Variants in ABCB4 observed in about 807,000 individuals in gnomAD.
ABCB4 encodes phosphatidylcholine translocator ABCB4.
ABCB4 carries 76 observed loss-of-function variants against 145.7 expected under a neutral mutation model. The observed-to-expected ratio is 0.52, with a 90% CI of 0.43 to 0.63. ABCB4 has a LOEUF of 0.63. Ranked by LOEUF, ABCB4 falls within the 30% of genes least tolerant of loss-of-function variation. ABCB4 has a pLI of 0.00. For synonymous variants in ABCB4, 517 were observed against 566.8 expected (o/e 0.91, Z 1.25); for missense variants, 1,234 against 1,553.1 (o/e 0.79, Z 3.45).
At position 87,417,501 on chromosome 7, in the gene ABCB4, C is replaced by T. The variant is rs199640424; in HGVS notation, c.2493G>A (p.Arg831=). Residue 831 remains arginine, a synonymous_variant, in exon 21 of 28, where the codon AGG becomes AGA. Coordinates refer to ENST00000649586, the MANE Select transcript of ABCB4 (RefSeq NM_000443.4). The part of the protein sequence containing the change: ...AAQVQGATGT[R]LALIAQNIAN... ...CTATATTCTGTGCAATTAAAGCCAACCTGGTTCCTGTGGCCTGGGAGAGAA... is the reference window on the plus strand; with the variant it reads ...CTATATTCTGTGCAATTAAAGCCAATCTGGTTCCTGTGGCCTGGGAGAGAA... The T allele has an allele frequency of 3.1e-6, 5 of 1,614,132 alleles. No individual in the cohort carries two copies. Among genetic ancestry groups the T allele is most frequent in the Middle Eastern group, 1.6e-4 (1 of 6,062 alleles).
chr7:87,383,953 T>C, the ABCB4 span, among the ~76,000 whole-genome samples: 1 of 152,112 alleles, frequency 6.6e-6, no homozygotes, highest in Non-Finnish European at 1.5e-5. Flanking sequence ...GATCATCAGA[T>C]TGTAGGGTAG....
intron 14 of ABCB4, among the ~76,000 whole-genome samples, chr7:87,439,052 A>C (rs1375598900): frequency 1.3e-5 from 2 of 152,186 alleles, no homozygotes; most frequent in African/African-American, 4.8e-5. Context: ...TTGTTAATAC[A>C]GATGACATCA....
chr7:87,411,610 T>C (rs1370873964), intron 23 of ABCB4, among the ~76,000 whole-genome samples: 1 of 152,188 alleles, frequency 6.6e-6, no homozygotes, highest in Non-Finnish European at 1.5e-5. Context: ...GCCTATATTC[T>C]ATAATGAGAA....
rs781471216 is a variant in ABCB4, at chr7:87,402,084, T to C, written c.*12A>G. 1.2e-6 allele frequency: 2 copies of C among 1,613,944 alleles called. No individual in the cohort carries two copies. Among genetic ancestry groups the C allele is most frequent in the East Asian group, 2.2e-5 (1 of 44,888 alleles). ...ATTTGAATTTATTTTTAAAATATAC[T>C]GTAGCAAAAGTTCATAAGTTCTGTG... On this transcript the variant is annotated 3_prime_UTR_variant, in exon 28 of 28. Transcript: ENST00000649586.
chr7:87,378,734 A>G, the ABCB4 span, among the ~76,000 whole-genome samples: 2 of 152,204 alleles, frequency 1.3e-5, no homozygotes, highest in East Asian at 3.9e-4. Flanking sequence ...ATCCTGGGGA[A>G]TCAGGTGCTT....
the ABCB4 span, among the ~76,000 whole-genome samples, chr7:87,367,278 T>A: frequency 6.6e-6 from 1 of 152,178 alleles, no homozygotes; most frequent in African/African-American, 2.4e-5. Flanking sequence ...AAGGTTATGA[T>A]CTTCCCTTGA....
In ABCB4 at chr7:87,423,977, C is replaced by G; in HGVS notation, c.2140G>C (p.Gly714Arg). 1.9e-6 allele frequency: 3 copies of G among 1,614,036 alleles called. No individual in the cohort carries two copies. Among genetic ancestry groups the G allele is most frequent in the Non-Finnish European group, 2.5e-6 (3 of 1,179,968 alleles). Reference sequence around the variant, plus strand: ...CCATTGGCAATGGCACATACTGTTCCCACGACAAAGTAGGGCCATTCTGTT... The same window carrying G: ...CCATTGGCAATGGCACATACTGTTCGCACGACAAAGTAGGGCCATTCTGTT... Reference protein sequence around the residue: ...NKTEWPYFVVGTVCAIANGGL... With the variant: ...NKTEWPYFVVRTVCAIANGGL... Residue 714 changes from glycine (G) to arginine (R), a missense_variant, in exon 17 of 28, where the codon GGA (glycine) becomes CGA (arginine). Physicochemically the swap from Gly to Arg is moderately radical, Grantham distance 125. Transcript: ENST00000649586.
chr7:87,428,276 G>A (rs1447009070), intron 15 of ABCB4, among the ~76,000 whole-genome samples: 4 of 152,178 alleles, frequency 2.6e-5, no homozygotes, highest in Admixed American at 6.5e-5. Flanking sequence ...TTGGTGTTGG[G>A]TGCTTCAGCT....
At chr7:87,471,241 G>A (rs1309257983) in intron 3 of ABCB4, among the ~76,000 whole-genome samples, 1 of 152,056 alleles carries the variant, frequency 6.6e-6, no homozygotes, top group Non-Finnish European at 1.5e-5. Context: ...GGGAGGGATA[G>A]CATTAGGAGA....
the ABCB4 span, among the ~76,000 whole-genome samples, chr7:87,393,520 AGT>A: frequency 6.6e-6 from 1 of 152,204 alleles, no homozygotes; most frequent in African/African-American, 2.4e-5. Context: ...GGCTGTGTGG[AGT>A]TTGACTTATG....
chr7:87,469,534 C>A (rs201701541), intron 3 of ABCB4, among the ~76,000 whole-genome samples: 1 of 152,040 alleles, frequency 6.6e-6, no homozygotes, highest in Non-Finnish European at 1.5e-5. Flanking sequence ...TCTCAGGATA[C>A]AAAATCAATG....
chr7:87,377,376 C>A, the ABCB4 span: 1 of 1,609,096 alleles, frequency 6.2e-7, no homozygotes, highest in South Asian at 1.1e-5. Flanking sequence ...TATTGGAGAT[C>A]CAACAGTACG....
intron 2 of ABCB4, among the ~76,000 whole-genome samples, chr7:87,474,935 CAG>C (rs1323495395): frequency 6.6e-6 from 1 of 152,072 alleles, no homozygotes; most frequent in South Asian, 2.1e-4. Flanking sequence ...AGAGACATAA[CAG>C]GGGATGGGCA....
At chr7:87,432,509 G>C (rs1051998371) in intron 14 of ABCB4, among the ~76,000 whole-genome samples, 3 of 152,038 alleles carry the variant, frequency 2.0e-5, no homozygotes, top group Non-Finnish European at 4.4e-5. Context: ...TTTAAAATGT[G>C]GTATATCCAT....
chr7:87,410,988 TG>T lies in ABCB4; in HGVS notation c.2924+904del, dbSNP rs111851954. Among the ~76,000 whole-genome samples, 9 of 152,328 alleles carry T rather than the reference TG, an allele frequency of 5.9e-5. 1 individual carries two copies. The highest frequency in any genetic ancestry group is 1.9e-4 in the African/African-American group (8 of 41,572). On this transcript the variant is annotated intron_variant, in intron 23 of 27. Transcript: ENST00000649586. ...GTAGCAGTTTCCAGCTGGGTATTGC[TG>T]GGGTGTTAACTTCCTTCTTGGGTAC...
chr7:87,422,056 G>C (rs1809475869), intron 18 of ABCB4, 65 bp downstream of exon 18: 1 of 1,173,956 alleles, frequency 8.5e-7, no homozygotes, highest in African/African-American at 1.5e-5. Context: ...AGCTCCATTA[G>C]GTTTAATTTA....
At chr7:87,390,002 CTT>C in the ABCB4 span, among the ~76,000 whole-genome samples, 1 of 151,996 alleles carries the variant, frequency 6.6e-6, no homozygotes, top group African/African-American at 2.4e-5. Flanking sequence ...ATATGGGAAT[CTT>C]TTTCCTACCT....
At chr7:87,391,721 TG>T in the ABCB4 span, 1 of 1,598,566 alleles carries the variant, frequency 6.3e-7, no homozygotes, top group Non-Finnish European at 8.5e-7. Context: ...ATGTGAGTAT[TG>T]GAAAGGAAAA....
At chr7:87,388,619 A>G in the ABCB4 span, among the ~76,000 whole-genome samples, 5 of 152,222 alleles carry the variant, frequency 3.3e-5, no homozygotes, top group Non-Finnish European at 5.9e-5. Context: ...TTATACAAAA[A>G]TTAACTCAAG....
Sources: allele counts gnomAD v4.1 joint callset (sites outside exome capture counted in the v4.1 genomes callset), GRCh38; gene constraint gnomAD v4.1.1; transcripts MANE v1.5; gene names NCBI Gene and HGNC (gene_info 2026-07-23, HGNC 2026-07-21).